The following PPM1E variants were observed in gnomAD, a reference collection of about 807,000 sequenced individuals.
The protein encoded by PPM1E is protein phosphatase 1E.
A neutral mutation model predicts 65.9 loss-of-function variants in PPM1E; 20 were observed. The ratio of observed to expected loss-of-function variants is 0.30; its 90% CI spans 0.21 to 0.44. The LOEUF (loss-of-function observed/expected upper bound fraction) is 0.44, where lower values mean the gene tolerates loss of function less well. Among genes scored for constraint, PPM1E ranks in the 20% least tolerant of loss-of-function variants. PPM1E has a pLI of 1.00. For synonymous variants in PPM1E, 352 were observed against 374.9 expected (o/e 0.94, Z 0.70); for missense variants, 713 against 953.1 (o/e 0.75, Z 3.32).
At chr17:58,838,489 G>C (rs908999459) in intron 1 of PPM1E, among the ~76,000 whole-genome samples, 4 of 152,308 alleles carry the variant, frequency 2.6e-5, no homozygotes, top group Admixed American at 2.0e-4. Flanking sequence ...ATTAAAGTCT[G>C]TTAGAATGGC....
At chr17:58,819,736 C>T (rs1433104674) in intron 1 of PPM1E, among the ~76,000 whole-genome samples, 3 of 151,764 alleles carry the variant, frequency 2.0e-5, no homozygotes, top group Non-Finnish European at 2.9e-5. Flanking sequence ...GTGCTACATG[C>T]TTTTAAAGGA....
At chr17:58,909,924 C>CTTTTTTTTTTTTTTTTTTTTTTTTCTT (rs35833275) in intron 1 of PPM1E, among the ~76,000 whole-genome samples, 2 of 90,038 alleles carry the variant, frequency 2.2e-5, no homozygotes, top group Non-Finnish European at 4.1e-5. Context: ...TTTTCTTTTT[C>CTTTTTTTTTTTTTTTTTTTTTTTTCTT]TTTTTTTTTT....
At chr17:58,887,003 A>G (rs1344478716) in intron 1 of PPM1E, among the ~76,000 whole-genome samples, 1 of 152,178 alleles carries the variant, frequency 6.6e-6, no homozygotes, top group Non-Finnish European at 1.5e-5. Flanking sequence ...ATGTCCTCAA[A>G]TAGGAATTAC....
chr17:58,921,473 C>T (rs2051749528), intron 1 of PPM1E, among the ~76,000 whole-genome samples: 1 of 151,588 alleles, frequency 6.6e-6, no homozygotes, highest in Admixed American at 6.6e-5. Context: ...CACTTGACCC[C>T]AGGAATTTGA....
intron 1 of PPM1E, among the ~76,000 whole-genome samples, chr17:58,807,075 C>G (rs146872483): frequency 6.6e-6 from 1 of 152,022 alleles, no homozygotes; most frequent in East Asian, 1.9e-4. Context: ...GTCTTCAAAT[C>G]TTACAGTGAA....
rs772004782 is a variant in PPM1E at position 58,972,805 on chromosome 17, GCTT to G, written c.1117-23_1117-21del. The G allele has an allele frequency of 7.0e-6, 11 of 1,563,110 alleles. No homozygotes were observed. In the Admixed American group the frequency reaches 1.0e-4, roughly 14 times the overall value. Reference sequence around the variant, plus strand: ...GAATAAATCCTGAATCCAGTTATTTGCTTCTTTTTATTGCATTGCTGTTTAGGA... The same window carrying G: ...GAATAAATCCTGAATCCAGTTATTTGCTTTTTATTGCATTGCTGTTTAGGA... On this transcript the variant is annotated intron_variant, in intron 5 of 6. Transcript: ENST00000308249.
intron 1 of PPM1E, among the ~76,000 whole-genome samples, chr17:58,832,341 C>T (rs1311013147): frequency 6.6e-6 from 1 of 152,028 alleles, no homozygotes; most frequent in African/African-American, 2.4e-5. Context: ...AAATTATTAT[C>T]ATTTTCTTTT....
At chr17:58,911,432 C>T (rs1012024090) in intron 1 of PPM1E, among the ~76,000 whole-genome samples, 2 of 151,964 alleles carry the variant, frequency 1.3e-5, no homozygotes, top group East Asian at 1.9e-4. Flanking sequence ...ATAGTCAGGG[C>T]CATACTAAAG....
At chr17:58,822,697 G>A (rs1319891840) in intron 1 of PPM1E, among the ~76,000 whole-genome samples, 1 of 152,214 alleles carries the variant, frequency 6.6e-6, no homozygotes, top group Non-Finnish European at 1.5e-5. Context: ...AAGATGTAAA[G>A]ATGAGGATTT....
At chr17:58,937,879 C>CAAAAAA (rs1226139023) in intron 1 of PPM1E, among the ~76,000 whole-genome samples, 12,826 of 82,240 alleles carry the variant, frequency 0.16, 1,147 homozygotes, top group Non-Finnish European at 0.18. Context: ...GACTCCATCT[C>CAAAAAA]AAAAAAAAAA....
chr17:58,955,682 C>G lies in PPM1E; in HGVS notation c.498C>G (p.Ala166=). 5.0e-6 allele frequency: 8 copies of G among 1,613,338 alleles called. No homozygotes were observed. The highest frequency in any genetic ancestry group is 6.8e-6 in the Non-Finnish European group (8 of 1,179,868). ...CTTCCTTTTTGGCTGCTGCTTTAGC[C>G]AGAGCCACATCAGATGAAGTCCTTC... ...NCPSFLAAAL[A]RATSDEVLQS... is the part of the protein sequence containing the mutation. Residue 166 remains alanine, a synonymous_variant, in exon 2 of 7, where the codon GCC becomes GCG. Transcript: ENST00000308249.
chr17:58,758,295 C>T (rs572596440), intron 1 of PPM1E, among the ~76,000 whole-genome samples: 2 of 151,804 alleles, frequency 1.3e-5, no homozygotes, highest in African/African-American at 4.8e-5. Flanking sequence ...CTTTGGGAGG[C>T]CGGGGTGGCA....
At chr17:58,909,347 C>G (rs571409249) in intron 1 of PPM1E, among the ~76,000 whole-genome samples, 1 of 152,158 alleles carries the variant, frequency 6.6e-6, no homozygotes, top group African/African-American at 2.4e-5. Context: ...AACCTGAACT[C>G]CTGGGCTCAA....
At chr17:58,966,895 T>C (rs757321566) in intron 3 of PPM1E, among the ~76,000 whole-genome samples, 4 of 152,200 alleles carry the variant, frequency 2.6e-5, no homozygotes, top group Non-Finnish European at 5.9e-5. Flanking sequence ...AGGTTGGTAA[T>C]TGGTGTTTAT....
intron 1 of PPM1E, among the ~76,000 whole-genome samples, chr17:58,853,599 G>A (rs2050851257): frequency 1.3e-5 from 2 of 152,106 alleles, no homozygotes; most frequent in South Asian, 4.1e-4. Flanking sequence ...AGGCTGGGAT[G>A]GGTGGATCAC....
chr17:58,770,338 G>T (rs2049924613), intron 1 of PPM1E, among the ~76,000 whole-genome samples: 1 of 152,086 alleles, frequency 6.6e-6, no homozygotes. Context: ...TAGCTTTAGT[G>T]CAGGTCTGTA....
chr17:58,901,271 C>T (rs188772305), intron 1 of PPM1E, among the ~76,000 whole-genome samples: 3 of 152,308 alleles, frequency 2.0e-5, no homozygotes, highest in African/African-American at 7.2e-5. Context: ...TGAGCCACCA[C>T]CTTGACTTTG....
chr17:58,958,911 C>A (rs2029934815), intron 2 of PPM1E, among the ~76,000 whole-genome samples: 1 of 152,048 alleles, frequency 6.6e-6, no homozygotes, highest in African/African-American at 2.4e-5. Flanking sequence ...AATGCTCCAA[C>A]TGCACGGAAA....
intron 1 of PPM1E, among the ~76,000 whole-genome samples, chr17:58,935,539 T>C (rs922753910): frequency 2.0e-4 from 30 of 152,308 alleles, no homozygotes; most frequent in African/African-American, 7.0e-4. Context: ...ACTTATGTGA[T>C]GTTGACAAGA....
Sources: gnomAD v4.1 joint callset for allele counts (sites outside exome capture counted in the v4.1 genomes callset) on GRCh38, gnomAD v4.1.1 for gene constraint, MANE v1.5 for transcripts, NCBI Gene and HGNC (gene_info 2026-07-23, HGNC 2026-07-21) for gene names.